Variants in ENOX2 observed in about 807,000 individuals in gnomAD.
ENOX2 encodes APK1 antigen.
A neutral mutation model predicts 45.0 loss-of-function variants in ENOX2; 36 were observed. The observed-to-expected ratio is 0.80, with a 90% CI of 0.61 to 1.06. The LOEUF (loss-of-function observed/expected upper bound fraction) is 1.06, where lower values mean the gene tolerates loss of function less well. Ranked by LOEUF, ENOX2 falls within the 50% of genes least tolerant of loss-of-function variation. The probability of loss-of-function intolerance (pLI) is 0.00; values close to 1 mark genes in which losing one functional copy is unlikely to be tolerated. For synonymous variants in ENOX2, 174 were observed against 152.3 expected (o/e 1.14, Z -1.05); for missense variants, 423 against 462.5 (o/e 0.91, Z 0.78).
intron 9 of ENOX2, 54 bp downstream of exon 9, chrX:130,665,586 CTTG>C (rs759349663): frequency 3.0e-5 from 25 of 837,909 alleles, no homozygotes; most frequent in Non-Finnish European, 4.4e-5. Flanking sequence ...AGATCAATAA[CTTG>C]TTAACGAAAG....
chrX:130,838,915 T>G (rs1298708462), intron 2 of ENOX2, among the ~76,000 whole-genome samples: 3 of 111,868 alleles, frequency 2.7e-5, no homozygotes, highest in Non-Finnish European at 3.8e-5. Flanking sequence ...TGCACTGGCC[T>G]GCTCCTGTAG....
intron 4 of ENOX2, among the ~76,000 whole-genome samples, chrX:130,700,927 T>C (rs1181306626): frequency 9.0e-6 from 1 of 111,447 alleles, no homozygotes; most frequent in African/African-American, 3.3e-5. Flanking sequence ...AGCAAGATAC[T>C]GTTATGAGGA....
chrX:130,647,762 AT>A (rs996797496), intron 10 of ENOX2, among the ~76,000 whole-genome samples: 35 of 107,659 alleles, frequency 3.3e-4, no homozygotes, highest in Admixed American at 1.1e-3. Flanking sequence ...AGAATTCAAT[AT>A]TTTTTTTTTC....
At position 130,708,817 on chromosome X, in the gene ENOX2, T is replaced by C. The variant is rs757204046; in HGVS notation, c.-38-5563A>G. ...TCTATTATTGTATTAAGATAAAATC[T>C]CTTTTGGAGGGTTTCTTTTGAGGGC... On this transcript the variant is annotated intron_variant, in intron 3 of 14. Coordinates refer to ENST00000394363, the MANE Select transcript of ENOX2 (RefSeq NM_006375.4). Among the ~76,000 whole-genome samples, 3 of 112,183 alleles carry C rather than the reference T, an allele frequency of 2.7e-5. No homozygotes were observed. In the South Asian group the frequency reaches 1.1e-3, roughly 42 times the overall value.
intron 3 of ENOX2, among the ~76,000 whole-genome samples, chrX:130,711,199 C>T (rs972775452): frequency 1.5e-4 from 17 of 111,725 alleles, no homozygotes; most frequent in African/African-American, 5.5e-4. Context: ...AAGGCTTTAT[C>T]TTTTGCGTAG....
intron 2 of ENOX2, among the ~76,000 whole-genome samples, chrX:130,797,796 G>C (rs1314856383): frequency 2.7e-5 from 3 of 111,550 alleles, no homozygotes; most frequent in Admixed American, 9.5e-5. Context: ...GCACACATGT[G>C]ACCCAAATCT....
intron 10 of ENOX2, among the ~76,000 whole-genome samples, chrX:130,653,645 C>CT (rs1438876636): frequency 8.9e-6 from 1 of 112,191 alleles, no homozygotes; most frequent in Non-Finnish European, 1.9e-5. Flanking sequence ...CTGCTGCATT[C>CT]TAATCAGTAC....
chrX:130,893,283 A>G (rs1015627283), intron 2 of ENOX2, among the ~76,000 whole-genome samples: 4 of 112,047 alleles, frequency 3.6e-5, no homozygotes, highest in Non-Finnish European at 5.6e-5. Context: ...TTCAGTAGTG[A>G]GGGCATTGGG....
Position 130,622,656 on chromosome X carries a change from G to A in ENOX2, c.*2658C>T, listed in dbSNP as rs1188015125. Among the ~76,000 whole-genome samples the A allele has an allele frequency of 8.9e-6, 1 of 111,890 alleles. No individual in the cohort carries two copies. Among genetic ancestry groups the A allele is most frequent in the East Asian group, 2.8e-4 (1 of 3,612 alleles). ...ATTTCAAAATTCTGGAGGAACAACA[G>A]AACCATAAATAGCACTGAGACTTTG... On this transcript the variant is annotated 3_prime_UTR_variant, in exon 15 of 15. Transcript: ENST00000394363.
chrX:130,655,360 A>G (rs1386165711), intron 10 of ENOX2, among the ~76,000 whole-genome samples: 1 of 111,757 alleles, frequency 8.9e-6, no homozygotes, highest in Non-Finnish European at 1.9e-5. Flanking sequence ...TCTTTCCTTC[A>G]GAGTTTCTGT....
In ENOX2 at chrX:130,874,851, G is replaced by GC. The variant is rs967703183; in HGVS notation, c.-183+26832dup. Among the ~76,000 whole-genome samples, 96 of 109,186 alleles carry GC rather than the reference G, an allele frequency of 8.8e-4. 2 individuals carry two copies. The highest frequency in any genetic ancestry group is 2.6e-3 in the African/African-American group (77 of 30,076). The allele number at this position is 109,186 out of a possible 115,157, so 94.8% of individuals were successfully genotyped here. ...CAGACACTAACACCAACACATGCAT[G>GC]CCCCCCCCGACACACACAAACATAG... On this transcript the variant is annotated intron_variant, in intron 2 of 14. Transcript: ENST00000394363.
intron 4 of ENOX2, among the ~76,000 whole-genome samples, chrX:130,699,894 T>C (rs1225332528): frequency 8.9e-6 from 1 of 112,529 alleles, no homozygotes; most frequent in Admixed American, 9.4e-5. Flanking sequence ...CAACTTTTTG[T>C]GAGCCACATC....
At chrX:130,852,274 C>T (rs917644241) in intron 2 of ENOX2, among the ~76,000 whole-genome samples, 9 of 111,581 alleles carry the variant, frequency 8.1e-5, no homozygotes, top group Non-Finnish European at 1.1e-4. Flanking sequence ...TCTCTTGTGA[C>T]GTATTTATTC....
intron 2 of ENOX2, among the ~76,000 whole-genome samples, chrX:130,867,745 T>C (rs1417874317): frequency 8.9e-6 from 1 of 111,798 alleles, no homozygotes; most frequent in Non-Finnish European, 1.9e-5. Context: ...CTCACTTTAT[T>C]TTTGAGAAAA....
chrX:130,659,869 C>T (rs12839484), intron 9 of ENOX2, among the ~76,000 whole-genome samples: 2,775 of 112,088 alleles, frequency 0.025, 47 homozygotes, highest in Admixed American at 0.085. Flanking sequence ...TCAGCATCCA[C>T]AAAACATCTT....
At chrX:130,885,564 C>T (rs1464854803) in intron 2 of ENOX2, among the ~76,000 whole-genome samples, 1 of 112,396 alleles carries the variant, frequency 8.9e-6, no homozygotes, top group Admixed American at 9.4e-5. Flanking sequence ...CATGTATTCA[C>T]TATTAGCATA....
chrX:130,728,697 T>C (rs769445060), intron 3 of ENOX2, among the ~76,000 whole-genome samples: 1 of 111,756 alleles, frequency 8.9e-6, no homozygotes, highest in East Asian at 2.8e-4. Flanking sequence ...ATAGGGTTAA[T>C]TCCTCTTCCT....
At position 130,624,056 on chromosome X, in the gene ENOX2, G is replaced by A. The variant is rs1251259376; in HGVS notation, c.*1258C>T. ...TTGAGACTCAAGGGAGGGTATGCTT[G>A]CATTATTATAAATACCACAACCACC... On this transcript the variant is annotated 3_prime_UTR_variant, in exon 15 of 15. Coordinates refer to ENST00000394363, the MANE Select transcript of ENOX2 (RefSeq NM_006375.4). The A allele has an allele frequency of 8.1e-5, 9 of 110,968 alleles. No individual in the cohort carries two copies. The East Asian group carries it at 2.3e-3, about 28-fold the overall frequency. The allele number at this position is 110,968 out of a possible 1,213,427, so 9.1% of individuals were successfully genotyped here.
intron 12 of ENOX2, among the ~76,000 whole-genome samples, chrX:130,634,316 T>C (rs775008177): frequency 2.4e-4 from 27 of 111,855 alleles, no homozygotes; most frequent in African/African-American, 8.8e-4. Context: ...ATTGGAGAGG[T>C]TGACTTTACA....
Sources: allele counts gnomAD v4.1 joint callset (sites outside exome capture counted in the v4.1 genomes callset), GRCh38; gene constraint gnomAD v4.1.1; transcripts MANE v1.5; gene names NCBI Gene and HGNC (gene_info 2026-07-23, HGNC 2026-07-21).